The following LHFPL6 variants were observed in gnomAD, a reference collection of about 807,000 sequenced individuals.
LHFPL6 encodes LHFPL tetraspan subfamily member 6, also known as LHFPL tetraspan subfamily member 6 protein.
A neutral mutation model predicts 20.6 loss-of-function variants in LHFPL6; 9 were observed. That is an observed-to-expected ratio of 0.44 (90% CI 0.26 to 0.76). The LOEUF (loss-of-function observed/expected upper bound fraction) is 0.76. LHFPL6 is among the 30% of genes least tolerant of loss of function. The pLI is 0.20. For missense variants in LHFPL6, 218 were observed against 253.5 expected (o/e 0.86, Z 0.95); for synonymous variants, 105 against 98.7 (o/e 1.06, Z -0.38).
chr13:39,454,465 T>C lies in LHFPL6; in HGVS notation c.386-75939A>G, dbSNP rs1453302956. Among the ~76,000 whole-genome samples, 59 of 85,786 alleles carry C rather than the reference T, an allele frequency of 6.9e-4. 16 individuals carry two copies. Among genetic ancestry groups the C allele is most frequent in the Admixed American group, 5.9e-3 (52 of 8,880 alleles). 56.3% of individuals were successfully genotyped at this position (85,786 alleles called of 152,430 possible). ...TAAAACGGTGAAACCCCGTCTCTAC[T>C]AAAAATACAAAAAATTAGCCGGGCG... On this transcript the variant is annotated intron_variant, in intron 2 of 3. Transcript: ENST00000379589.
intron 2 of LHFPL6, among the ~76,000 whole-genome samples, chr13:39,527,734 G>T (rs1187636690): frequency 6.6e-6 from 1 of 151,924 alleles, no homozygotes; most frequent in East Asian, 1.9e-4. Context: ...TTTTACAGTT[G>T]TTTTTAACCT....
chr13:39,435,062 CAAAAAAAAAAAA>C (rs55701240), intron 2 of LHFPL6, among the ~76,000 whole-genome samples: 3 of 53,358 alleles, frequency 5.6e-5, no homozygotes, highest in African/African-American at 8.4e-5. Flanking sequence ...GACTCCGTCT[CAAAAAAAAAAAA>C]AAAAAAAAAA....
At chr13:39,597,855 T>G (rs1401543815) in intron 2 of LHFPL6, among the ~76,000 whole-genome samples, 1 of 152,240 alleles carries the variant, frequency 6.6e-6, no homozygotes, top group African/African-American at 2.4e-5. Context: ...AGAATTAAGT[T>G]TGACAATTTG....
chr13:39,525,262 G>A (rs568148595), intron 2 of LHFPL6, among the ~76,000 whole-genome samples: 1 of 152,150 alleles, frequency 6.6e-6, no homozygotes, highest in African/African-American at 2.4e-5. Context: ...CATGGGTTTT[G>A]TTTCTGAGGT....
At chr13:39,580,835 C>A (rs1173457197) in intron 2 of LHFPL6, among the ~76,000 whole-genome samples, 6 of 152,150 alleles carry the variant, frequency 3.9e-5, no homozygotes, top group Non-Finnish European at 5.9e-5. Context: ...TGTCCAGAAC[C>A]AGGAAACTGA....
intron 2 of LHFPL6, among the ~76,000 whole-genome samples, chr13:39,503,484 C>T (rs976499350): frequency 6.6e-6 from 1 of 152,110 alleles, no homozygotes; most frequent in African/African-American, 2.4e-5. Context: ...TTTCTTTTTG[C>T]CATAGCACAA....
At chr13:39,451,464 G>A (rs1872442129) in intron 2 of LHFPL6, among the ~76,000 whole-genome samples, 1 of 152,182 alleles carries the variant, frequency 6.6e-6, no homozygotes, top group South Asian at 2.1e-4. Flanking sequence ...CAGTTGGCCT[G>A]TAGCCAACCT....
At chr13:39,568,893 G>A (rs1871813124) in intron 2 of LHFPL6, among the ~76,000 whole-genome samples, 1 of 152,138 alleles carries the variant, frequency 6.6e-6, no homozygotes, top group Admixed American at 6.5e-5. Flanking sequence ...CAAACACAGA[G>A]GGATTTCTAT....
At chr13:39,543,598 T>C (rs951840173) in intron 2 of LHFPL6, among the ~76,000 whole-genome samples, 14 of 151,504 alleles carry the variant, frequency 9.2e-5, no homozygotes, top group Non-Finnish European at 1.3e-4. Flanking sequence ...ATAAGACTAA[T>C]GGATCTGGCC....
At chr13:39,472,064 A>G (rs1261277510) in intron 2 of LHFPL6, among the ~76,000 whole-genome samples, 1 of 152,238 alleles carries the variant, frequency 6.6e-6, no homozygotes, top group Non-Finnish European at 1.5e-5. Flanking sequence ...ACTGTGACAG[A>G]GCAGAGACCA....
intron 2 of LHFPL6, among the ~76,000 whole-genome samples, chr13:39,564,074 G>A (rs1013883112): frequency 6.6e-6 from 1 of 152,074 alleles, no homozygotes; most frequent in Non-Finnish European, 1.5e-5. Flanking sequence ...TCCCACCATC[G>A]AGAGTCATTA....
At chr13:39,399,915 G>A (rs968742400) in intron 2 of LHFPL6, among the ~76,000 whole-genome samples, 1 of 152,094 alleles carries the variant, frequency 6.6e-6, no homozygotes, top group Non-Finnish European at 1.5e-5. Flanking sequence ...CCAATATGGA[G>A]AAACCCCGTC....
intron 2 of LHFPL6, among the ~76,000 whole-genome samples, chr13:39,548,563 T>TA (rs1209296599): frequency 6.6e-6 from 1 of 151,500 alleles, no homozygotes. Flanking sequence ...TTTCTTGGTT[T>TA]AAAAAAAAAT....
chr13:39,346,419 A>C (rs539757330), intron 3 of LHFPL6, among the ~76,000 whole-genome samples: 1 of 152,342 alleles, frequency 6.6e-6, no homozygotes, highest in South Asian at 2.1e-4. Flanking sequence ...ATTGTCATGG[A>C]GCTTTACATG....
chr13:39,352,821 TTA>T (rs10602396), intron 3 of LHFPL6, among the ~76,000 whole-genome samples: 49,773 of 101,874 alleles, frequency 0.49, 14,557 homozygotes, highest in East Asian at 0.67. Flanking sequence ...GGGAAAACAT[TTA>T]TATATATATA....
At chr13:39,374,570 G>T (rs1870241567) in intron 3 of LHFPL6, among the ~76,000 whole-genome samples, 1 of 152,030 alleles carries the variant, frequency 6.6e-6, no homozygotes, top group Admixed American at 6.6e-5. Flanking sequence ...TTCTATTGGG[G>T]CCATCTATCT....
chr13:39,422,391 C>T (rs1871514885), intron 2 of LHFPL6, among the ~76,000 whole-genome samples: 1 of 152,092 alleles, frequency 6.6e-6, no homozygotes, highest in South Asian at 2.1e-4. Context: ...TTGAGATCAG[C>T]CTGACCAACA....
chr13:39,560,505 T>TC (rs66612510), intron 2 of LHFPL6, among the ~76,000 whole-genome samples: 26 of 17,120 alleles, frequency 1.5e-3, no homozygotes, highest in South Asian at 2.6e-3. Flanking sequence ...GCAAATTCTC[T>TC]TTTTTTTTTT....
At chr13:39,444,950 G>A (rs1279596748) in intron 2 of LHFPL6, among the ~76,000 whole-genome samples, 1 of 152,162 alleles carries the variant, frequency 6.6e-6, no homozygotes, top group African/African-American at 2.4e-5. Context: ...AGAGCTGCTG[G>A]GTGGACTGAG....
Sources: gnomAD v4.1 joint callset for allele counts (sites outside exome capture counted in the v4.1 genomes callset) on GRCh38, gnomAD v4.1.1 for gene constraint, MANE v1.5 for transcripts, NCBI Gene and HGNC (gene_info 2026-07-23, HGNC 2026-07-21) for gene names.